The following LARP4B variants were observed in gnomAD, a reference collection of about 807,000 sequenced individuals.
The protein encoded by LARP4B is la-related protein 4B.
Under a neutral mutation model 89.8 loss-of-function variants are expected in LARP4B, and 12 were observed. That is an observed-to-expected ratio of 0.13 (90% confidence interval 0.09 to 0.22). The LOEUF (loss-of-function observed/expected upper bound fraction) is 0.22. Ranked by LOEUF, LARP4B falls within the 10% of genes least tolerant of loss-of-function variation. The pLI is 1.00. For missense variants in LARP4B, 757 were observed against 947.7 expected, an observed-to-expected ratio of 0.80 and a Z score of 2.64; for synonymous variants, 367 against 363.3, an observed-to-expected ratio of 1.01 and a Z score of -0.12.
chr10:890,147 A>G (rs1256055741), intron 1 of LARP4B, among the ~76,000 whole-genome samples: 1 of 152,190 alleles, frequency 6.6e-6, no homozygotes, highest in Non-Finnish European at 1.5e-5. Context: ...AAGTGTAACT[A>G]TTTTTGTCTT....
In LARP4B at chr10:870,947, C is replaced by CT. The variant is rs544522652; in HGVS notation, c.142-6678dup. Among the ~76,000 whole-genome samples, 3 of 152,314 alleles carry CT rather than the reference C, an allele frequency of 2.0e-5. No homozygotes were observed. In the South Asian group the frequency reaches 6.2e-4, roughly 32 times the overall value. ...GTCGTATACTCGGTGTGTTTCATAA[C>CT]TTTTTTCTATTTGATTAGTTTCAAA... On this transcript the variant is annotated intron_variant, in intron 3 of 17. Transcript: ENST00000316157.
chr10:895,752 A>G (rs1352421063), intron 1 of LARP4B, among the ~76,000 whole-genome samples: 1 of 152,136 alleles, frequency 6.6e-6, no homozygotes, highest in African/African-American at 2.4e-5. Flanking sequence ...AAAACTGCAT[A>G]AAGATTTAAA....
At position 814,380 on chromosome 10, in the gene LARP4B, C is replaced by T. The variant is rs1487319951; in HGVS notation, c.1929+362G>A. 7 of 353,272 alleles carry T rather than the reference C, an allele frequency of 2.0e-5. No homozygotes were observed. In the Admixed American group the frequency reaches 2.6e-4, roughly 13 times the overall value. The allele number at this position is 353,272 out of a possible 1,614,324, so 21.9% of individuals were successfully genotyped here. On this transcript the variant is annotated intron_variant, in intron 17 of 17. Transcript: ENST00000316157. This position sits in a 1 kb window ranked among gnomAD's most constrained non-coding sequence, Gnocchi z 4.4. ...CACCATCTTGCTCTTCCTGTCTCTT[C>T]ATCAGACACACGATGCGCGCGCACG...
rs577841444 is a variant in LARP4B at position 812,086 on chromosome 10, C to G, written c.*840G>C. 1.3e-5 allele frequency: 2 copies of G among 152,630 alleles called. No individual in the cohort carries two copies. The highest frequency in any genetic ancestry group is 4.8e-5 in the African/African-American group (2 of 41,422). The allele number at this position is 152,630 out of a possible 1,614,324, so 9.5% of individuals were successfully genotyped here. On this transcript the variant is annotated 3_prime_UTR_variant, in exon 18 of 18. Transcript: ENST00000316157. Reference sequence around the variant, plus strand: ...CAACCAGAGTGCTGGGGAACACGGACAGAAATGTGCACAGAGCAGGGCCGG... The same window carrying G: ...CAACCAGAGTGCTGGGGAACACGGAGAGAAATGTGCACAGAGCAGGGCCGG...
chr10:972,074 G>A, the LARP4B span: 1 of 168,508 alleles, frequency 5.9e-6, no homozygotes, highest in African/African-American at 2.4e-5. Flanking sequence ...GCCCAGGCTG[G>A]AGTAGTGCAG....
In LARP4B at chr10:824,975, T is replaced by C. The variant is rs1275500636; in HGVS notation, c.1484+90A>G. On this transcript the variant is annotated intron_variant, in intron 13 of 17. Coordinates refer to ENST00000316157, the MANE Select transcript of LARP4B (RefSeq NM_015155.3). ...GCCTTCAGTTAGATTTTCTGTGACA[T>C]ATTTAAAGACAATTACAAAACATAT... is the stretch of plus-strand genomic sequence containing the variant. The C allele has an allele frequency of 3.9e-6, 5 of 1,287,716 alleles. No individual in the cohort carries two copies. The African/African-American group carries it at 6.0e-5, about 15-fold the overall frequency. The allele number at this position is 1,287,716 out of a possible 1,614,324, so 79.8% of individuals were successfully genotyped here.
the LARP4B span, among the ~76,000 whole-genome samples, chr10:947,260 C>T: frequency 1.1e-4 from 17 of 152,192 alleles, no homozygotes; most frequent in South Asian, 3.5e-3. Context: ...CGTGTCTTGC[C>T]GGTTCTTGCC....
chr10:970,168 C>T, the LARP4B span, among the ~76,000 whole-genome samples: 1 of 152,306 alleles, frequency 6.6e-6, no homozygotes, highest in Middle Eastern at 3.4e-3. Flanking sequence ...TCTTGCATGC[C>T]TATACTTATG....
intron 5 of LARP4B, among the ~76,000 whole-genome samples, chr10:855,140 G>GA (rs997803430): frequency 2.4e-4 from 36 of 152,294 alleles, no homozygotes; most frequent in Admixed American, 7.2e-4. Context: ...TAATTGTTGT[G>GA]ACTGGTTTTT....
At chr10:927,962 C>T (rs974886734) in intron 1 of LARP4B, among the ~76,000 whole-genome samples, 15 of 152,150 alleles carry the variant, frequency 9.9e-5, no homozygotes, top group Middle Eastern at 6.8e-3. Context: ...CCTGCAATCC[C>T]AGCACTTTGG....
At chr10:907,474 G>GT (rs1447506004) in intron 1 of LARP4B, among the ~76,000 whole-genome samples, 4 of 152,068 alleles carry the variant, frequency 2.6e-5, no homozygotes, top group African/African-American at 9.7e-5. Flanking sequence ...ATGCATGTCC[G>GT]TTTAAGTGTG....
chr10:813,117 T>C lies in LARP4B; in HGVS notation c.2026A>G (p.Thr676Ala), dbSNP rs754973950. Residue 676 changes from threonine (T) to alanine (A), a missense_variant, in exon 18 of 18, where the codon ACT becomes GCT. Coordinates refer to ENST00000316157, the MANE Select transcript of LARP4B (RefSeq NM_015155.3). ...TTTTCCTCCTTCCCACAACCAACAG[T>C]GTTTGGCTTTTGTTCTTTTTGGGGT... ...LQPQKEQKPNTVGCGKEEKKL... is the reference protein window; with the variant it reads ...LQPQKEQKPNAVGCGKEEKKL... 1.9e-5 allele frequency: 30 copies of C among 1,613,880 alleles called. No homozygotes were observed. The highest frequency in any genetic ancestry group is 2.5e-5 in the Non-Finnish European group (29 of 1,179,996).
At chr10:969,297 T>A in the LARP4B span, among the ~76,000 whole-genome samples, 1 of 152,192 alleles carries the variant, frequency 6.6e-6, no homozygotes, top group African/African-American at 2.4e-5. Context: ...CCAACTCCAC[T>A]CCAAGTGACG....
the LARP4B span, among the ~76,000 whole-genome samples, chr10:978,606 A>G: frequency 6.6e-6 from 1 of 152,192 alleles, no homozygotes; most frequent in Non-Finnish European, 1.5e-5. Context: ...TAATTTACCA[A>G]GTCTTAAGTT....
upstream of LARP4B, among the ~76,000 whole-genome samples, chr10:934,940 G>T (rs966458694): frequency 6.6e-6 from 1 of 152,126 alleles, no homozygotes; most frequent in Non-Finnish European, 1.5e-5. Context: ...TCCTTAAAAA[G>T]CTTCATCACC....
chr10:822,257 C>T lies in LARP4B; in HGVS notation c.1485-1412G>A, dbSNP rs931544745. ...CTGGGGACCTGGGAGGGGTGTGAGA[C>T]GGATGGTGTCAGCACCTGCTTGCCC... On this transcript the variant is annotated intron_variant, in intron 13 of 17. Transcript: ENST00000316157. The surrounding 1 kb of genome is among the most constrained non-coding windows in gnomAD (Gnocchi z 4.6). 2.0e-5 allele frequency among the ~76,000 whole-genome samples: 3 copies of T among 152,216 alleles called. No homozygotes were observed. Among genetic ancestry groups the T allele is most frequent in the African/African-American group, 2.4e-5 (1 of 41,454 alleles).
chr10:961,592 G>A, the LARP4B span, among the ~76,000 whole-genome samples: 2 of 138,418 alleles, frequency 1.4e-5, no homozygotes, highest in Non-Finnish European at 3.1e-5. Flanking sequence ...CCTCGGGAAG[G>A]TCCACTCATG....
chr10:905,774 C>T (rs1253168592), intron 1 of LARP4B, among the ~76,000 whole-genome samples: 1 of 152,174 alleles, frequency 6.6e-6, no homozygotes, highest in Non-Finnish European at 1.5e-5. Context: ...GCTGAAGAGG[C>T]AGCTCTCAAC....
At chr10:870,067 T>G (rs151320074) in intron 3 of LARP4B, 31 of 985,266 alleles carry the variant, frequency 3.1e-5, no homozygotes, top group Middle Eastern at 5.2e-4. Flanking sequence ...CTGACACCGG[T>G]AGCTGAGGAG....
Sources: gnomAD v4.1 joint callset for allele counts (sites outside exome capture counted in the v4.1 genomes callset) on GRCh38, gnomAD v4.1.1 for gene constraint, Gnocchi (gnomAD v3.1) non-coding constraint, MANE v1.5 for transcripts, NCBI Gene and HGNC (gene_info 2026-07-23, HGNC 2026-07-21) for gene names.